ACBD6: variants seen among roughly 807,000 people sequenced by gnomAD.
The protein encoded by ACBD6 is acyl-CoA-binding domain-containing protein 6.
ACBD6 carries 28 observed loss-of-function variants against 37.2 expected under a neutral mutation model. The ratio of observed to expected loss-of-function variants is 0.75; its 90% CI spans 0.56 to 1.03. The LOEUF (loss-of-function observed/expected upper bound fraction) is 1.03, where lower values mean the gene tolerates loss of function less well. ACBD6 is among the 50% of genes least tolerant of loss of function. ACBD6 has a pLI of 0.00. For missense variants in ACBD6, 340 were observed against 337.4 expected, an observed-to-expected ratio of 1.01 and a Z score of -0.06; for synonymous variants, 113 against 126.8, an observed-to-expected ratio of 0.89 and a Z score of 0.73.
intron 7 of ACBD6, among the ~76,000 whole-genome samples, chr1:180,294,571 T>G (rs1390191587): frequency 6.6e-6 from 1 of 150,944 alleles, no homozygotes; most frequent in Non-Finnish European, 1.5e-5. Flanking sequence ...AATAATAAAT[T>G]TGTCCATTTC....
chr1:180,403,174 C>A (rs758934690), intron 5 of ACBD6, among the ~76,000 whole-genome samples: 1 of 152,066 alleles, frequency 6.6e-6, no homozygotes, highest in South Asian at 2.1e-4. Flanking sequence ...ACGGTGGTTA[C>A]CTTTTTGGGA....
rs1479383278 is a variant in ACBD6, at chr1:180,357,066, T to C, written c.663+40450A>G. Among the ~76,000 whole-genome samples the C allele has an allele frequency of 4.6e-5, 7 of 152,314 alleles. No individual in the cohort carries two copies. The South Asian group carries it at 6.2e-4, about 14-fold the overall frequency. ...AATTTAAAAAATAATTCACAAGATA[T>C]CGACAGCATAAAAGATTTTTAATGA... On this transcript the variant is annotated intron_variant, in intron 6 of 7. Coordinates refer to ENST00000367595, the MANE Select transcript of ACBD6 (RefSeq NM_032360.4).
chr1:180,380,568 T>A (rs574581283), intron 6 of ACBD6, among the ~76,000 whole-genome samples: 52 of 152,046 alleles, frequency 3.4e-4, no homozygotes, highest in Admixed American at 1.0e-3. Flanking sequence ...AAGACATGCT[T>A]AAGGGATACT....
intron 6 of ACBD6, among the ~76,000 whole-genome samples, chr1:180,316,325 T>C (rs751908107): frequency 2.7e-5 from 4 of 148,896 alleles, no homozygotes; most frequent in Admixed American, 6.7e-5. Context: ...TGTGTGTGTG[T>C]GCGTGAGTGC....
chr1:180,342,074 T>C (rs1413381340), intron 6 of ACBD6, among the ~76,000 whole-genome samples: 7 of 152,186 alleles, frequency 4.6e-5, no homozygotes. Flanking sequence ...TGAAGTGTTC[T>C]ACTGTTTAAT....
At position 180,299,184 on chromosome 1, in the gene ACBD6, C is replaced by T. The variant is rs374506581; in HGVS notation, c.695-10667G>A. Among the ~76,000 whole-genome samples, 82 of 152,316 alleles carry T rather than the reference C, an allele frequency of 5.4e-4. No individual in the cohort carries two copies. The East Asian group carries it at 0.013, about 23-fold the overall frequency. Reference sequence around the variant, plus strand: ...TTGATTTCTCTGCCTTTGGCATGTTCAGTGAAACACAAGTCATAATGTAGA... The same window carrying T: ...TTGATTTCTCTGCCTTTGGCATGTTTAGTGAAACACAAGTCATAATGTAGA... On this transcript the variant is annotated intron_variant, in intron 7 of 7. Coordinates refer to ENST00000367595, the MANE Select transcript of ACBD6 (RefSeq NM_032360.4).
chr1:180,361,970 C>T (rs1056882248), intron 6 of ACBD6, among the ~76,000 whole-genome samples: 1 of 151,462 alleles, frequency 6.6e-6, no homozygotes, highest in Non-Finnish European at 1.5e-5. Flanking sequence ...ATAGAGGGAA[C>T]ACAATAGGGA....
intron 3 of ACBD6, chr1:180,435,742 G>A (rs866774269): frequency 1.9e-5 from 16 of 842,362 alleles, no homozygotes; most frequent in Middle Eastern, 3.4e-4. Flanking sequence ...ACAGTAACAC[G>A]CACTTCAGAA....
intron 7 of ACBD6, among the ~76,000 whole-genome samples, chr1:180,296,865 G>A (rs942610565): frequency 2.0e-5 from 3 of 151,186 alleles, no homozygotes; most frequent in African/African-American, 7.3e-5. Flanking sequence ...AGTGGCTCAC[G>A]CCTGTAATCC....
At chr1:180,422,244 C>T (rs1648400236) in intron 4 of ACBD6, among the ~76,000 whole-genome samples, 1 of 150,028 alleles carries the variant, frequency 6.7e-6, no homozygotes, top group Admixed American at 6.7e-5. Context: ...CTCGCTCTTT[C>T]ACCCAGGCTG....
intron 3 of ACBD6, among the ~76,000 whole-genome samples, chr1:180,485,331 C>T (rs1215662553): frequency 6.6e-6 from 1 of 152,022 alleles, no homozygotes; most frequent in African/African-American, 2.4e-5. Flanking sequence ...AAAGGTATGC[C>T]CAAATCTTAA....
At chr1:180,320,004 C>T (rs746852381) in intron 6 of ACBD6, among the ~76,000 whole-genome samples, 3 of 152,202 alleles carry the variant, frequency 2.0e-5, no homozygotes, top group Admixed American at 6.5e-5. Flanking sequence ...GATTTCCTTT[C>T]TTTGGGGTAT....
intron 6 of ACBD6, among the ~76,000 whole-genome samples, chr1:180,340,992 T>C (rs1005962033): frequency 1.3e-5 from 2 of 152,130 alleles, no homozygotes; most frequent in Non-Finnish European, 2.9e-5. Flanking sequence ...GGAAATGTAG[T>C]GTCACTGCTG....
intron 3 of ACBD6, among the ~76,000 whole-genome samples, chr1:180,486,305 A>G (rs1230482087): frequency 1.3e-5 from 2 of 152,218 alleles, no homozygotes; most frequent in African/African-American, 2.4e-5. Flanking sequence ...CAGGGACACA[A>G]AAAAATCAAT....
chr1:180,379,309 G>A (rs1373484687), intron 6 of ACBD6, among the ~76,000 whole-genome samples: 2 of 152,158 alleles, frequency 1.3e-5, no homozygotes, highest in East Asian at 1.9e-4. Flanking sequence ...ACAACAGATT[G>A]CAGGTATCAA....
At chr1:180,406,742 T>C (rs1412820626) in intron 5 of ACBD6, among the ~76,000 whole-genome samples, 1 of 152,164 alleles carries the variant, frequency 6.6e-6, no homozygotes, top group Non-Finnish European at 1.5e-5. Flanking sequence ...GTCATAAAAT[T>C]AGGTTGAACC....
intron 6 of ACBD6, among the ~76,000 whole-genome samples, chr1:180,368,349 TTTC>T (rs1653128129): frequency 1.3e-5 from 2 of 152,220 alleles, no homozygotes; most frequent in Admixed American, 1.3e-4. Context: ...CTGTTGACAG[TTTC>T]TTTTGCTGTG....
chr1:180,314,761 T>A, intron 6 of ACBD6, 39 bp from the exon 7 acceptor site: 1 of 1,445,816 alleles, frequency 6.9e-7, no homozygotes, highest in Non-Finnish European at 9.7e-7. Flanking sequence ...GAAGTCTAAG[T>A]AATTGCAAAA....
In ACBD6 at chr1:180,467,187, C is replaced by T. The variant is rs184721815; in HGVS notation, c.384+25082G>A. Among the ~76,000 whole-genome samples, 104 of 152,022 alleles carry T rather than the reference C, an allele frequency of 6.8e-4. 1 individual carries two copies. Among genetic ancestry groups the T allele is most frequent in the African/African-American group, 2.4e-3 (100 of 41,506 alleles). On this transcript the variant is annotated intron_variant, in intron 3 of 7. Transcript: ENST00000367595. ...CACTAATTCCTGTATTCAAGTGATCCTCCCATCTCAGCCTTCTGAGTAGCT... is the reference window on the plus strand; with the variant it reads ...CACTAATTCCTGTATTCAAGTGATCTTCCCATCTCAGCCTTCTGAGTAGCT...
Sources: allele counts gnomAD v4.1 joint callset (sites outside exome capture counted in the v4.1 genomes callset), GRCh38; gene constraint gnomAD v4.1.1; transcripts MANE v1.5; gene names NCBI Gene and HGNC (gene_info 2026-07-23, HGNC 2026-07-21).